Variants in SH3RF3 observed in about 807,000 individuals in gnomAD.
SH3RF3 encodes the protein SH3 domain containing ring finger 3, also known as E3 ubiquitin-protein ligase SH3RF3.
Under a neutral mutation model 66.3 loss-of-function variants are expected in SH3RF3, and 29 were observed. That is an observed-to-expected ratio of 0.44 (90% CI 0.33 to 0.60). SH3RF3 has a LOEUF of 0.60. Ranked by LOEUF, SH3RF3 falls within the 20% of genes least tolerant of loss-of-function variation. The pLI, the probability that SH3RF3 is intolerant of heterozygous loss-of-function variation, is 0.04. For synonymous variants in SH3RF3, 583 were observed against 532.0 expected, an observed-to-expected ratio of 1.10 and a Z score of -1.32; for missense variants, 1,194 against 1,190.9, an observed-to-expected ratio of 1.00 and a Z score of -0.04.
chr2:109,185,964 G>A (rs1357208558), intron 1 of SH3RF3, among the ~76,000 whole-genome samples: 1 of 152,178 alleles, frequency 6.6e-6, no homozygotes, highest in Non-Finnish European at 1.5e-5. Flanking sequence ...GGCCAGCAGA[G>A]GCCTGGCCTT....
chr2:109,413,371 C>G (rs1676643813), intron 4 of SH3RF3, among the ~76,000 whole-genome samples: 1 of 152,208 alleles, frequency 6.6e-6, no homozygotes, highest in Non-Finnish European at 1.5e-5. Flanking sequence ...GCCTTGGCCT[C>G]CCAAAGTTCT....
At chr2:109,372,046 G>A (rs1385747442) in intron 3 of SH3RF3, among the ~76,000 whole-genome samples, 1 of 152,198 alleles carries the variant, frequency 6.6e-6, no homozygotes, top group African/African-American at 2.4e-5. Flanking sequence ...GAGCACCAGA[G>A]GGGAAGAACC....
At chr2:109,159,352 C>A (rs1378720174) in intron 1 of SH3RF3, among the ~76,000 whole-genome samples, 1 of 152,232 alleles carries the variant, frequency 6.6e-6, no homozygotes, top group African/African-American at 2.4e-5. Flanking sequence ...CCCTGCCCAG[C>A]CCCAGGGCGA....
chr2:109,137,603 T>A (rs1676841269), intron 1 of SH3RF3, among the ~76,000 whole-genome samples: 1 of 152,218 alleles, frequency 6.6e-6, no homozygotes, highest in African/African-American at 2.4e-5. Context: ...TCATTTAGGA[T>A]CTAAGATACA....
chr2:109,265,297 A>G (rs764976003), intron 1 of SH3RF3, among the ~76,000 whole-genome samples: 13 of 152,202 alleles, frequency 8.5e-5, no homozygotes, highest in Admixed American at 6.5e-5. Context: ...GTGTTCGCCA[A>G]CTGCTGGAGA....
intron 1 of SH3RF3, among the ~76,000 whole-genome samples, chr2:109,324,181 A>G (rs11680312): frequency 0.37 from 56,091 of 152,166 alleles, 11,923 homozygotes; most frequent in Non-Finnish European, 0.48. Flanking sequence ...TTGTGTGGCT[A>G]GACCACATTT....
intron 1 of SH3RF3, among the ~76,000 whole-genome samples, chr2:109,309,612 AC>A (rs2105422755): frequency 7.8e-6 from 1 of 128,174 alleles, no homozygotes; most frequent in Non-Finnish European, 1.6e-5. Flanking sequence ...AACCCATCTC[AC>A]GTGCAGAGAC....
intron 3 of SH3RF3, among the ~76,000 whole-genome samples, chr2:109,390,171 A>C (rs1175714520): frequency 1.3e-5 from 2 of 152,222 alleles, no homozygotes; most frequent in African/African-American, 4.8e-5. Flanking sequence ...CCCAACAGAG[A>C]GACTTCCCTT....
At chr2:109,178,806 G>T (rs982359158) in intron 1 of SH3RF3, among the ~76,000 whole-genome samples, 3 of 152,160 alleles carry the variant, frequency 2.0e-5, no homozygotes, top group African/African-American at 7.2e-5. Flanking sequence ...AATGTTTAAT[G>T]AGCAAAATAA....
At chr2:109,177,480 C>T (rs1385740095) in intron 1 of SH3RF3, among the ~76,000 whole-genome samples, 7 of 152,112 alleles carry the variant, frequency 4.6e-5, no homozygotes, top group East Asian at 3.9e-4. Context: ...TTGGCAGCTC[C>T]GTGACTCCTT....
chr2:109,210,951 G>A (rs1266085257), intron 1 of SH3RF3, among the ~76,000 whole-genome samples: 1 of 152,226 alleles, frequency 6.6e-6, no homozygotes, highest in Admixed American at 6.5e-5. Flanking sequence ...GAGCCTCCCA[G>A]TGGGCTGGGT....
intron 3 of SH3RF3, among the ~76,000 whole-genome samples, chr2:109,388,900 G>A (rs1277038730): frequency 6.6e-6 from 1 of 152,144 alleles, no homozygotes; most frequent in Non-Finnish European, 1.5e-5. Flanking sequence ...GGCTTTCTAG[G>A]TAATAGAGAT....
chr2:109,316,449 G>T (rs1681884167), intron 1 of SH3RF3, among the ~76,000 whole-genome samples: 1 of 152,200 alleles, frequency 6.6e-6, no homozygotes, highest in African/African-American at 2.4e-5. Context: ...ATGTCAGTGT[G>T]ATCTTCACTA....
intron 5 of SH3RF3, among the ~76,000 whole-genome samples, chr2:109,420,928 A>G (rs2104525564): frequency 6.6e-6 from 1 of 152,312 alleles, no homozygotes; most frequent in African/African-American, 2.4e-5. Flanking sequence ...TAACCAATGT[A>G]ATGAAAGGTA....
intron 1 of SH3RF3, among the ~76,000 whole-genome samples, chr2:109,279,134 T>C (rs1478405810): frequency 1.3e-5 from 2 of 152,124 alleles, no homozygotes; most frequent in Admixed American, 1.3e-4. Flanking sequence ...AAACCATCCA[T>C]GGGATATTGA....
chr2:109,333,741 C>T (rs1306161815), intron 1 of SH3RF3, among the ~76,000 whole-genome samples: 7 of 152,280 alleles, frequency 4.6e-5, no homozygotes, highest in Middle Eastern at 3.4e-3. Context: ...AGCTCTGCCA[C>T]GTATTGGCAG....
At chr2:109,313,405 A>C (rs10200501) in intron 1 of SH3RF3, among the ~76,000 whole-genome samples, 47,399 of 152,076 alleles carry the variant, frequency 0.31, 9,140 homozygotes, top group African/African-American at 0.55. Context: ...GTCATATTTT[A>C]AGATGTGCTC....
chr2:109,261,322 A>G (rs1333086129), intron 1 of SH3RF3, among the ~76,000 whole-genome samples: 2 of 152,148 alleles, frequency 1.3e-5, no homozygotes, highest in Non-Finnish European at 2.9e-5. Flanking sequence ...TGATCCGCAC[A>G]CTGTGCTGAA....
At chr2:109,204,357 T>A (rs550831486) in intron 1 of SH3RF3, among the ~76,000 whole-genome samples, 1 of 152,336 alleles carries the variant, frequency 6.6e-6, no homozygotes, top group South Asian at 2.1e-4. Context: ...TTAGCAGGAA[T>A]CTCCTTATCT....
Sources: gnomAD v4.1 joint callset for allele counts (sites outside exome capture counted in the v4.1 genomes callset) on GRCh38, gnomAD v4.1.1 for gene constraint, MANE v1.5 for transcripts, NCBI Gene and HGNC (gene_info 2026-07-23, HGNC 2026-07-21) for gene names.